The following CALHM4 variants were observed in gnomAD, a reference collection of about 807,000 sequenced individuals.
The protein encoded by CALHM4 is calcium homeostasis modulator protein 4.
A neutral mutation model predicts 13.3 loss-of-function variants in CALHM4; 16 were observed. The ratio of observed to expected loss-of-function variants is 1.20; its 90% CI spans 0.81 to 1.82. The LOEUF is 1.82. CALHM4 is among the 40% of genes most tolerant of loss of function. The probability of loss-of-function intolerance (pLI) is 0.00; values close to 1 mark genes in which losing one functional copy is unlikely to be tolerated. For synonymous variants in CALHM4, 127 were observed against 137.1 expected, an observed-to-expected ratio of 0.93 and a Z score of 0.52; for missense variants, 344 against 374.9, an observed-to-expected ratio of 0.92 and a Z score of 0.68.
At chr6:116,547,125 T>G (rs917059328) in intron 2 of CALHM4, among the ~76,000 whole-genome samples, 2 of 152,056 alleles carry the variant, frequency 1.3e-5, no homozygotes, top group Admixed American at 6.6e-5. Context: ...CAAGTCAAAT[T>G]TATTTTGTAC....
chr6:116,545,339 A>C (rs1445475562), intron 2 of CALHM4: 28 of 627,184 alleles, frequency 4.5e-5, no homozygotes, highest in Non-Finnish European at 7.5e-5. Context: ...TGTGTCATTT[A>C]TGATTCACTT....
At position 116,554,752 on chromosome 6, in the gene CALHM4, G is replaced by GTA. The variant is rs539468098; in HGVS notation, c.558+411_558+412dup. On this transcript the variant is annotated intron_variant, in intron 1 of 1. Coordinates refer to ENST00000368596, the MANE Select transcript of CALHM4 (RefSeq NM_001366078.2). The stretch of plus-strand genomic sequence containing the variant: ...GCTATATTAGTAAATCCCATTTTCT[G>GTA]TATATATATATTCTTAAATATGCAT... 6.6e-5 allele frequency among the ~76,000 whole-genome samples: 10 copies of GTA among 151,972 alleles called. No homozygotes were observed. In the South Asian group the frequency reaches 1.0e-3, roughly 16 times the overall value.
At chr6:116,551,937 T>A (rs1488716601), upstream of CALHM4, among the ~76,000 whole-genome samples, 1 of 152,196 alleles carries the variant, frequency 6.6e-6, no homozygotes, top group African/African-American at 2.4e-5. Context: ...TATAATAATA[T>A]ATAGCTTTAG....
intron 1 of CALHM4, chr6:116,540,404 T>G: frequency 6.4e-7 from 1 of 1,551,330 alleles, no homozygotes; most frequent in Non-Finnish European, 8.7e-7. Flanking sequence ...CTATGGCATC[T>G]TCCCACGCAG....
upstream of CALHM4, among the ~76,000 whole-genome samples, chr6:116,552,974 T>C (rs940448723): frequency 2.6e-5 from 4 of 152,262 alleles, no homozygotes; most frequent in South Asian, 6.2e-4. Context: ...CTCACGAGGC[T>C]GAGGCAGGAG....
In CALHM4 at chr6:116,558,271, G is replaced by T; in HGVS notation, c.*60G>T. ...GATACTTGGCTTTTATGGCTTTTAT[G>T]ATCAGGCCATTTCAATGTAATCTCT... On this transcript the variant is annotated 3_prime_UTR_variant, in exon 2 of 2. Transcript: ENST00000368596. 6.6e-7 allele frequency: 1 copy of T among 1,504,598 alleles called. No homozygotes were observed. The highest frequency in any genetic ancestry group is 1.4e-5 in the African/African-American group (1 of 72,240). The allele number at this position is 1,504,598 out of a possible 1,614,324, so 93.2% of individuals were successfully genotyped here.
rs1231062496 is a variant in CALHM4, at chr6:116,548,256, G to A, written c.-1+4384G>A. 5.9e-5 allele frequency among the ~76,000 whole-genome samples: 9 copies of A among 152,318 alleles called. No individual in the cohort carries two copies. The East Asian group carries it at 1.7e-3, about 29-fold the overall frequency. On this transcript the variant is annotated intron_variant, in intron 2 of 2. Coordinates refer to the CALHM4 transcript ENST00000368597. The stretch of plus-strand genomic sequence containing the variant: ...GCAACAAGGTGCCATCTTGGAAGCA[G>A]AGAAGAGCCCTTGCCAAAAAACAAT...
At chr6:116,554,438 A>G in intron 1 of CALHM4, 87 bp downstream of exon 1, 1 of 1,116,700 alleles carries the variant, frequency 9.0e-7, no homozygotes, top group South Asian at 1.7e-5. Context: ...ACTGCTTCTT[A>G]TATTCTCTGA....
chr6:116,531,169 G>C (rs1772696026), intron 1 of CALHM4, among the ~76,000 whole-genome samples: 1 of 151,942 alleles, frequency 6.6e-6, no homozygotes, highest in African/African-American at 2.4e-5. Flanking sequence ...CCCTGGAAGT[G>C]ACCTAGCATG....
chr6:116,532,189 C>T lies in CALHM4; in HGVS notation c.-109+2999C>T, dbSNP rs147019814. On this transcript the variant is annotated intron_variant, in intron 1 of 2. Transcript: ENST00000368597. The stretch of plus-strand genomic sequence containing the variant: ...TTTAAAGACAAATGTGGAGCACTGC[C>T]CTCTTCTGGACAGACTAGGAGGAGC... Among the ~76,000 whole-genome samples, 438 of 152,254 alleles carry T rather than the reference C, an allele frequency of 2.9e-3. 3 individuals carry two copies. The highest frequency in any genetic ancestry group is 0.01 in the African/African-American group (420 of 41,538).
intron 2 of CALHM4, among the ~76,000 whole-genome samples, chr6:116,545,100 TAC>T (rs1043968867): frequency 6.6e-6 from 1 of 150,614 alleles, no homozygotes; most frequent in East Asian, 1.9e-4. Context: ...ACTATATATA[TAC>T]ACACATATAT....
exon 2 of CALHM4, chr6:116,543,862 G>A: frequency 6.5e-7 from 1 of 1,533,562 alleles, no homozygotes; most frequent in Non-Finnish European, 8.7e-7. Flanking sequence ...CCCAAATGTA[G>A]CAGCAAATTT....
chr6:116,535,892 T>C (rs1562350577), intron 1 of CALHM4, among the ~76,000 whole-genome samples: 1 of 152,226 alleles, frequency 6.6e-6, no homozygotes, highest in African/African-American at 2.4e-5. Context: ...TCCATGGTGA[T>C]AGCAGATAAG....
At chr6:116,553,640 A>C (rs766357295), upstream of CALHM4, 1 of 714,912 alleles carries the variant, frequency 1.4e-6, no homozygotes, top group Non-Finnish European at 2.3e-6. Context: ...TTCAAAGTAC[A>C]CAAGGAAAGA....
rs925575674 is a variant in CALHM4, at chr6:116,560,656, G to T, written c.*2445G>T. Reference sequence around the variant, plus strand: ...AATGGAATTTTTAGTATTTTGGGGGGGGGGGGGGCTATGGTCTATAGCATT... The same window carrying T: ...AATGGAATTTTTAGTATTTTGGGGGTGGGGGGGGCTATGGTCTATAGCATT... On this transcript the variant is annotated 3_prime_UTR_variant, in exon 2 of 2. Coordinates refer to ENST00000368596, the MANE Select transcript of CALHM4 (RefSeq NM_001366078.2). 4.8e-5 allele frequency among the ~76,000 whole-genome samples: 7 copies of T among 146,888 alleles called. No individual in the cohort carries two copies. Among genetic ancestry groups the T allele is most frequent in the South Asian group, 4.6e-4 (2 of 4,326 alleles).
intron 1 of CALHM4, among the ~76,000 whole-genome samples, chr6:116,532,982 C>G (rs576581325): frequency 6.6e-6 from 1 of 152,308 alleles, no homozygotes; most frequent in South Asian, 2.1e-4. Flanking sequence ...TTCAGAACGT[C>G]AACTTGGTTA....
Position 116,558,003 on chromosome 6 carries a change from AT to A in CALHM4, c.738del (p.Arg247AlafsTer2). 1 of 1,614,168 alleles carries A rather than the reference AT, an allele frequency of 6.2e-7. No homozygotes were observed. The highest frequency in any genetic ancestry group is 1.1e-5 in the South Asian group (1 of 91,086). On this transcript the variant is annotated frameshift_variant, in exon 2 of 2. Coordinates refer to ENST00000368596, the MANE Select transcript of CALHM4 (RefSeq NM_001366078.2). LOFTEE classifies it high-confidence loss of function. The part of the protein sequence containing the change: ...AEQHSRLLMM[H>X]RIKKLFGFIP... The stretch of plus-strand genomic sequence containing the variant: ...CAGCACTCTCGGCTCCTCATGATGC[AT>A]CGCATAAAGAAGCTATTTGGCTTCA...
chr6:116,543,974 A>G, intron 2 of CALHM4: 1 of 1,000,082 alleles, frequency 1.0e-6, no homozygotes, highest in Admixed American at 2.7e-5. Flanking sequence ...ATAAATGAAA[A>G]CTAAAACTTA....
intron 1 of CALHM4, among the ~76,000 whole-genome samples, chr6:116,536,147 A>G (rs1261273556): frequency 6.6e-6 from 1 of 152,250 alleles, no homozygotes; most frequent in Admixed American, 6.5e-5. Flanking sequence ...TAACTACTAC[A>G]AAAAGTTAAG....
Sources: allele counts gnomAD v4.1 joint callset (sites outside exome capture counted in the v4.1 genomes callset), GRCh38; gene constraint gnomAD v4.1.1; transcripts MANE v1.5; gene names NCBI Gene and HGNC (gene_info 2026-07-23, HGNC 2026-07-21).